Variants in CDH18 observed in about 807,000 individuals in gnomAD.
CDH18 encodes the protein cadherin-18.
In CDH18, 31 loss-of-function variants were observed where a neutral mutation model predicts 67.9. That is an observed-to-expected ratio of 0.46 (90% CI 0.34 to 0.62). The LOEUF (loss-of-function observed/expected upper bound fraction) is 0.62, where lower values mean the gene tolerates loss of function less well. Ranked by LOEUF, CDH18 falls within the 20% of genes least tolerant of loss-of-function variation. CDH18 has a pLI of 0.01. For synonymous variants in CDH18, 362 were observed against 347.2 expected (o/e 1.04, Z -0.48); for missense variants, 890 against 975.5 (o/e 0.91, Z 1.17).
At chr5:20,377,969 A>G (rs549680970) in intron 1 of CDH18, among the ~76,000 whole-genome samples, 52 of 57,042 alleles carry the variant, frequency 9.1e-4, no homozygotes, top group African/African-American at 1.8e-3. Flanking sequence ...CCTTTAATGG[A>G]ACAATTATGA....
Position 19,483,219 on chromosome 5 carries a change from G to A in CDH18, c.1882+82C>T. ...CTGTTTCCTTACCCACATTATGGAT[G>A]CCTAATCCTTAAGATTTGTCAAAAT... On this transcript the variant is annotated intron_variant, in intron 12 of 12. Transcript: ENST00000382275. The A allele has an allele frequency of 7.3e-7, 1 of 1,368,078 alleles. No individual in the cohort carries two copies. The highest frequency in any genetic ancestry group is 1.0e-6 in the Non-Finnish European group (1 of 992,600). 84.7% of individuals were successfully genotyped at this position (1,368,078 alleles called of 1,614,324 possible). A position where few individuals can be genotyped will look rare whatever the true frequency, so the allele number is the denominator to read the frequency against.
chr5:19,933,109 C>A (rs1793886408), intron 2 of CDH18, among the ~76,000 whole-genome samples: 1 of 151,378 alleles, frequency 6.6e-6, no homozygotes, highest in Non-Finnish European at 1.5e-5. Context: ...GTCCTTTGAA[C>A]TATCTTAAAC....
intron 2 of CDH18, among the ~76,000 whole-genome samples, chr5:20,029,440 A>G (rs1456130977): frequency 2.0e-5 from 3 of 152,216 alleles, no homozygotes; most frequent in Non-Finnish European, 2.9e-5. Context: ...TAGAACATGT[A>G]AAATGCTTGG....
intron 3 of CDH18, among the ~76,000 whole-genome samples, chr5:19,816,860 A>C (rs777735788): frequency 1.3e-5 from 2 of 151,866 alleles, no homozygotes; most frequent in Admixed American, 1.3e-4. Flanking sequence ...ATATAATTTC[A>C]GTCAAAAGAG....
chr5:20,267,722 C>T (rs939362377), intron 1 of CDH18, among the ~76,000 whole-genome samples: 5 of 152,112 alleles, frequency 3.3e-5, no homozygotes, highest in African/African-American at 1.2e-4. Flanking sequence ...TGTTTAGAAA[C>T]ACTACTGAAT....
chr5:20,324,129 C>T (rs1392097597), intron 1 of CDH18, among the ~76,000 whole-genome samples: 1 of 152,218 alleles, frequency 6.6e-6, no homozygotes, highest in Non-Finnish European at 1.5e-5. Flanking sequence ...GAAGACCCAA[C>T]CCACCACCAC....
chr5:20,087,676 T>C (rs1213830026), intron 2 of CDH18, among the ~76,000 whole-genome samples: 1 of 152,164 alleles, frequency 6.6e-6, no homozygotes, highest in Non-Finnish European at 1.5e-5. Context: ...AAAGTATTTT[T>C]GAACAAAAGC....
intron 1 of CDH18, among the ~76,000 whole-genome samples, chr5:20,404,115 A>T (rs1227571187): frequency 6.6e-6 from 1 of 151,698 alleles, no homozygotes; most frequent in Non-Finnish European, 1.5e-5. Context: ...CTGCTTTCTC[A>T]CCTCTCTCAG....
intron 2 of CDH18, among the ~76,000 whole-genome samples, chr5:20,180,046 G>A (rs540674667): frequency 6.6e-6 from 1 of 152,144 alleles, no homozygotes; most frequent in South Asian, 2.1e-4. Flanking sequence ...ATGCAGGATT[G>A]TGTAAAGACA....
At chr5:19,817,172 A>T (rs1235855968) in intron 3 of CDH18, among the ~76,000 whole-genome samples, 1 of 151,952 alleles carries the variant, frequency 6.6e-6, no homozygotes, top group Non-Finnish European at 1.5e-5. Context: ...ACACGGGGAT[A>T]TCTTTTTTTC....
At chr5:19,580,289 C>T (rs1473199096) in intron 7 of CDH18, among the ~76,000 whole-genome samples, 1 of 151,834 alleles carries the variant, frequency 6.6e-6, no homozygotes, top group African/African-American at 2.4e-5. Flanking sequence ...GACCCCTTCC[C>T]ATCTTTGAAA....
intron 2 of CDH18, among the ~76,000 whole-genome samples, chr5:20,080,298 C>CT (rs1056008703): frequency 1.9e-4 from 29 of 152,054 alleles, no homozygotes; most frequent in African/African-American, 6.7e-4. Flanking sequence ...TATTTAACAT[C>CT]TTTTTTTGTT....
chr5:20,210,931 G>A (rs897825529), intron 2 of CDH18, among the ~76,000 whole-genome samples: 3 of 151,746 alleles, frequency 2.0e-5, no homozygotes, highest in African/African-American at 7.3e-5. Context: ...CTTGTTTAAT[G>A]AAAAAATAAT....
At chr5:19,895,392 T>C (rs1789210630) in intron 2 of CDH18, among the ~76,000 whole-genome samples, 1 of 152,172 alleles carries the variant, frequency 6.6e-6, no homozygotes, top group African/African-American at 2.4e-5. Flanking sequence ...TGGGCTTACT[T>C]GAATTTGTCT....
chr5:20,409,459 C>T (rs10039880), intron 1 of CDH18, among the ~76,000 whole-genome samples: 3,826 of 151,454 alleles, frequency 0.025, 151 homozygotes, highest in African/African-American at 0.088. Flanking sequence ...TATGCAATTG[C>T]TTTGATAACA....
chr5:20,279,699 C>CAAAAAAAAAAAAAA lies in CDH18; in HGVS notation c.-579-24208_-579-24195dup, dbSNP rs1189257278. On this transcript the variant is annotated intron_variant, in intron 1 of 14. Coordinates refer to the CDH18 transcript ENST00000507958. ...GGGTGACAAAAGAGAAGCTCTGTCT[C>CAAAAAAAAAAAAAA]AAAAAAAAAAAAAAAAAAAAAAAAA... Among the ~76,000 whole-genome samples the CAAAAAAAAAAAAAA allele has an allele frequency of 3.1e-3, 42 of 13,600 alleles. 2 individuals carry two copies. The highest frequency in any genetic ancestry group is 3.5e-3 in the Non-Finnish European group (27 of 7,822). 8.9% of individuals were successfully genotyped at this position (13,600 alleles called of 152,430 possible).
At chr5:20,321,180 A>T (rs1248881979) in intron 1 of CDH18, among the ~76,000 whole-genome samples, 1 of 151,976 alleles carries the variant, frequency 6.6e-6, no homozygotes. Context: ...TTAAAACAAG[A>T]TTTTCTCTAG....
chr5:20,390,922 G>T (rs1195164280), intron 1 of CDH18, among the ~76,000 whole-genome samples: 1 of 152,006 alleles, frequency 6.6e-6, no homozygotes, highest in Non-Finnish European at 1.5e-5. Context: ...CTCATAGGTG[G>T]GAATTGAACA....
rs1743267871 is a variant in CDH18 at position 20,244,988 on chromosome 5, A to C, written c.-518+10456T>G. ...TAGTTCACAAGAAACCTCCAAACTT[A>C]AAAATCTTATATTTGACTTGGTATC... On this transcript the variant is annotated intron_variant, in intron 2 of 14. Coordinates refer to the CDH18 transcript ENST00000507958. 2.0e-5 allele frequency among the ~76,000 whole-genome samples: 3 copies of C among 152,122 alleles called. No homozygotes were observed. In the South Asian group the frequency reaches 6.2e-4, roughly 31 times the overall value.
Sources: allele counts gnomAD v4.1 joint callset (sites outside exome capture counted in the v4.1 genomes callset), GRCh38; gene constraint gnomAD v4.1.1; transcripts MANE v1.5; gene names NCBI Gene and HGNC (gene_info 2026-07-23, HGNC 2026-07-21).